The following GBE1 variants were observed in gnomAD, a reference collection of about 807,000 sequenced individuals.
GBE1 encodes 1,4-alpha-glucan branching enzyme 1, also known as 1,4-alpha-glucan-branching enzyme.
Under a neutral mutation model 88.8 loss-of-function variants are expected in GBE1, and 70 were observed. The observed-to-expected ratio is 0.79, with a 90% CI of 0.65 to 0.96. The LOEUF is 0.96. Ranked by LOEUF, GBE1 falls within the 40% of genes least tolerant of loss-of-function variation. The pLI is 0.00. For synonymous variants in GBE1, 284 were observed against 300.1 expected, an observed-to-expected ratio of 0.95 and a Z score of 0.56; for missense variants, 872 against 871.0, an observed-to-expected ratio of 1.00 and a Z score of -0.01.
At chr3:81,518,090 CT>C (rs1236343070) in intron 14 of GBE1, among the ~76,000 whole-genome samples, 5 of 151,300 alleles carry the variant, frequency 3.3e-5, no homozygotes, top group Admixed American at 1.3e-4. Context: ...ACAAATGTTC[CT>C]CCCCCCCAAA....
chr3:81,608,184 T>C (rs1704128635), intron 7 of GBE1, among the ~76,000 whole-genome samples: 1 of 152,210 alleles, frequency 6.6e-6, no homozygotes, highest in Non-Finnish European at 1.5e-5. Flanking sequence ...TTTCCTATGC[T>C]AAACCACTGA....
intron 2 of GBE1, among the ~76,000 whole-genome samples, chr3:81,676,657 T>C (rs1293998699): frequency 2.6e-5 from 4 of 152,118 alleles, no homozygotes; most frequent in Admixed American, 6.6e-5. Context: ...TCTTTTTTAT[T>C]TTACTTAAGT....
At chr3:81,618,217 T>A (rs999990325) in intron 7 of GBE1, among the ~76,000 whole-genome samples, 6 of 152,130 alleles carry the variant, frequency 3.9e-5, no homozygotes, top group Non-Finnish European at 7.4e-5. Context: ...AATTTGATCA[T>A]CATTCTAGAA....
chr3:81,524,154 A>G (rs930485522), intron 14 of GBE1, among the ~76,000 whole-genome samples: 2 of 151,866 alleles, frequency 1.3e-5, no homozygotes, highest in African/African-American at 4.8e-5. Flanking sequence ...CATCCTCACC[A>G]GGATCGTTAC....
chr3:81,742,847 G>A (rs1296365805), intron 1 of GBE1, among the ~76,000 whole-genome samples: 1 of 152,112 alleles, frequency 6.6e-6, no homozygotes, highest in East Asian at 1.9e-4. Flanking sequence ...TTAGACACGA[G>A]AAAGGTTAAG....
chr3:81,671,535 T>C (rs1303670240), intron 2 of GBE1, among the ~76,000 whole-genome samples: 2 of 152,070 alleles, frequency 1.3e-5, no homozygotes, highest in African/African-American at 2.4e-5. Context: ...ACTTAACGTA[T>C]CATAAGGGAG....
At chr3:81,659,824 T>A (rs2107094900) in intron 3 of GBE1, among the ~76,000 whole-genome samples, 1 of 152,314 alleles carries the variant, frequency 6.6e-6, no homozygotes, top group East Asian at 1.9e-4. Flanking sequence ...ACATATTCAA[T>A]AAACATTAAG....
At chr3:81,719,468 C>T (rs1705990444) in intron 1 of GBE1, among the ~76,000 whole-genome samples, 1 of 152,142 alleles carries the variant, frequency 6.6e-6, no homozygotes, top group African/African-American at 2.4e-5. Flanking sequence ...TCACCTGCCT[C>T]AGCCTCCCAA....
chr3:81,670,830 G>T lies in GBE1; in HGVS notation c.429+8C>A. 2 of 1,425,328 alleles carry T rather than the reference G, an allele frequency of 1.4e-6. No individual in the cohort carries two copies. Among genetic ancestry groups the T allele is most frequent in the Non-Finnish European group, 1.9e-6 (2 of 1,056,272 alleles). 88.3% of individuals were successfully genotyped at this position (1,425,328 alleles called of 1,614,324 possible). A position where few individuals can be genotyped will look rare whatever the true frequency, so the allele number is the denominator to read the frequency against. On this transcript the variant is annotated splice_region_variant and intron_variant, in intron 3 of 15. Coordinates refer to ENST00000429644, the MANE Select transcript of GBE1 (RefSeq NM_000158.4). ...AAGTTCAAGAAAAAATAGGAGGGAG[G>T]AAAGTACCTTTAATTTGGATCCATG...
At chr3:81,609,535 G>A (rs755140507) in intron 7 of GBE1, among the ~76,000 whole-genome samples, 3 of 151,844 alleles carry the variant, frequency 2.0e-5, no homozygotes, top group African/African-American at 4.8e-5. Flanking sequence ...ATTTTCTAAT[G>A]TTTGCTCCCT....
At chr3:81,584,516 A>AG (rs1212257173) in intron 10 of GBE1, among the ~76,000 whole-genome samples, 2 of 152,104 alleles carry the variant, frequency 1.3e-5, no homozygotes, top group African/African-American at 4.8e-5. Flanking sequence ...TTATTAACTA[A>AG]GGGGGGACCC....
intron 14 of GBE1, among the ~76,000 whole-genome samples, chr3:81,521,694 A>G (rs1467322832): frequency 6.6e-6 from 1 of 151,558 alleles, no homozygotes; most frequent in African/African-American, 2.4e-5. Flanking sequence ...TTAATAACAG[A>G]GAATTGTCCT....
At chr3:81,690,000 G>A (rs1334885271) in intron 2 of GBE1, among the ~76,000 whole-genome samples, 18 of 151,996 alleles carry the variant, frequency 1.2e-4, no homozygotes, top group Admixed American at 9.8e-4. Flanking sequence ...CTAATCTTCC[G>A]TGGCTGTGTG....
chr3:81,593,370 C>CAATAAT (rs6147919), intron 8 of GBE1, among the ~76,000 whole-genome samples: 12,235 of 143,996 alleles, frequency 0.085, 888 homozygotes, highest in African/African-American at 0.19. Context: ...GTCTCAAGAA[C>CAATAAT]AATAATAATA....
Position 81,536,916 on chromosome 3 carries a change from G to A in GBE1, c.1798C>T (p.Pro600Ser), listed in dbSNP as rs552922259. Residue 600 changes from proline (P) to serine (S), a missense_variant, in exon 13 of 16, where the codon CCA becomes TCA. Coordinates refer to ENST00000429644, the MANE Select transcript of GBE1 (RefSeq NM_000158.4). ...LEERYGWLAA[P>S]QAYVSEKHEG... Reference sequence around the variant, plus strand: ...ATCCAGAGTGAAGAGCTTACCTGTGGAGCTGCAAGCCAACCATATCTTTCT... The same window carrying A: ...ATCCAGAGTGAAGAGCTTACCTGTGAAGCTGCAAGCCAACCATATCTTTCT... The A allele has an allele frequency of 6.3e-7, 1 of 1,586,950 alleles. No homozygotes were observed. The highest frequency in any genetic ancestry group is 1.4e-5 in the African/African-American group (1 of 73,148).
At chr3:81,754,360 A>G (rs958109303) in intron 1 of GBE1, among the ~76,000 whole-genome samples, 1 of 152,134 alleles carries the variant, frequency 6.6e-6, no homozygotes, top group Non-Finnish European at 1.5e-5. Context: ...AGAAGGATTA[A>G]TATTGTTAAA....
chr3:81,596,582 T>C (rs146946966), intron 7 of GBE1, among the ~76,000 whole-genome samples: 15 of 152,100 alleles, frequency 9.9e-5, no homozygotes, highest in African/African-American at 3.6e-4. Context: ...GTCTTAGTTA[T>C]GCTATGTTAA....
chr3:81,680,421 G>A (rs778689513), intron 2 of GBE1, among the ~76,000 whole-genome samples: 5 of 151,478 alleles, frequency 3.3e-5, no homozygotes, highest in East Asian at 3.9e-4. Context: ...GCGTGAACCC[G>A]GGAGGCGGAG....
chr3:81,621,899 C>T (rs1309454061), intron 7 of GBE1, among the ~76,000 whole-genome samples: 2 of 152,102 alleles, frequency 1.3e-5, no homozygotes, highest in African/African-American at 4.8e-5. Flanking sequence ...TAAAAAGCAT[C>T]AACACCCAAT....
Sources: gnomAD v4.1 joint callset for allele counts (sites outside exome capture counted in the v4.1 genomes callset) on GRCh38, gnomAD v4.1.1 for gene constraint, MANE v1.5 for transcripts, NCBI Gene and HGNC (gene_info 2026-07-23, HGNC 2026-07-21) for gene names.